ZNF620: variants seen among roughly 807,000 people sequenced by gnomAD.
ZNF620 encodes the protein zinc finger protein 620.
ZNF620 carries 10 observed loss-of-function variants against 13.3 expected under a neutral mutation model. That is an observed-to-expected ratio of 0.75 (90% CI 0.46 to 1.28). The LOEUF (loss-of-function observed/expected upper bound fraction) is 1.28. Among genes scored for constraint, ZNF620 ranks in the 50% most tolerant of loss-of-function variants. The probability of loss-of-function intolerance (pLI) is 0.00; values close to 1 mark genes in which losing one functional copy is unlikely to be tolerated. For missense variants in ZNF620, 461 were observed against 500.2 expected, an observed-to-expected ratio of 0.92 and a Z score of 0.75; for synonymous variants, 166 against 177.6, an observed-to-expected ratio of 0.93 and a Z score of 0.52.
At position 40,515,922 on chromosome 3, in the gene ZNF620, G is replaced by A; in HGVS notation, c.328G>A (p.Glu110Lys). The A allele has an allele frequency of 1.2e-6, 2 of 1,614,052 alleles. No homozygotes were observed. The highest frequency in any genetic ancestry group is 1.7e-6 in the Non-Finnish European group (2 of 1,180,010). ...TPKDHVSKET[E>K]SFRLMVGGLP... is the part of the protein sequence containing the mutation. ...AAAGGATCATGTGTCCAAAGAAACA[G>A]AGTCCTTCAGACTGATGGTGGGGGG... Residue 110 changes from glutamate (E) to lysine (K), a missense_variant, in exon 5 of 5, where the codon GAG becomes AAG. Coordinates refer to ENST00000314529, the MANE Select transcript of ZNF620 (RefSeq NM_175888.4).
At chr3:40,510,476 T>C (rs1698160713) in intron 2 of ZNF620, among the ~76,000 whole-genome samples, 2 of 152,190 alleles carry the variant, frequency 1.3e-5, no homozygotes, top group Admixed American at 6.5e-5. Flanking sequence ...TAGATATTTT[T>C]CATTCATTGT....
intron 4 of ZNF620, among the ~76,000 whole-genome samples, chr3:40,513,085 C>A (rs1698248002): frequency 6.6e-6 from 1 of 151,792 alleles, no homozygotes; most frequent in African/African-American, 2.4e-5. Flanking sequence ...ATCTTTCCCC[C>A]ACAGATACTT....
chr3:40,512,569 T>G (rs1165401102), intron 4 of ZNF620, 54 bp downstream of exon 4: 38 of 1,276,570 alleles, frequency 3.0e-5, no homozygotes, highest in Non-Finnish European at 4.0e-5. Flanking sequence ...TTTCTTGTTT[T>G]CACATTTCAT....
At chr3:40,511,819 T>A (rs1698210958) in intron 3 of ZNF620, among the ~76,000 whole-genome samples, 1 of 151,992 alleles carries the variant, frequency 6.6e-6, no homozygotes, top group Non-Finnish European at 1.5e-5. Flanking sequence ...GTAGCTGGGA[T>A]TACAGGTGGG....
rs1254918260 is a variant in ZNF620 at position 40,506,393 on chromosome 3, T to A, written c.24+17T>A. 1.3e-6 allele frequency: 2 copies of A among 1,556,340 alleles called. No individual in the cohort carries two copies. Among genetic ancestry groups the A allele is most frequent in the Non-Finnish European group, 1.8e-6 (2 of 1,132,474 alleles). ...TGGCGCCAGGTGAGTGAGCATCCTCTCCCTCCCTCCCACCCTTTAGATGTC... is the reference window on the plus strand; with the variant it reads ...TGGCGCCAGGTGAGTGAGCATCCTCACCCTCCCTCCCACCCTTTAGATGTC... On this transcript the variant is annotated intron_variant, in intron 2 of 4. Coordinates refer to ENST00000314529, the MANE Select transcript of ZNF620 (RefSeq NM_175888.4).
chr3:40,510,920 T>C (rs1698175790), intron 2 of ZNF620, among the ~76,000 whole-genome samples: 1 of 152,112 alleles, frequency 6.6e-6, no homozygotes, highest in South Asian at 2.1e-4. Context: ...TGGCGAATTT[T>C]TGTATTTTTT....
chr3:40,510,925 T>C (rs1309760755), intron 2 of ZNF620, among the ~76,000 whole-genome samples: 1 of 152,142 alleles, frequency 6.6e-6, no homozygotes, highest in Non-Finnish European at 1.5e-5. Flanking sequence ...AATTTTTGTA[T>C]TTTTTGTAGA....
chr3:40,510,358 A>G (rs943136853), intron 2 of ZNF620, among the ~76,000 whole-genome samples: 1 of 152,124 alleles, frequency 6.6e-6, no homozygotes, highest in Non-Finnish European at 1.5e-5. Flanking sequence ...GTCTGTTGCC[A>G]TCTCGACTTC....
Position 40,517,453 on chromosome 3 carries a change from C to G in ZNF620, c.*590C>G, listed in dbSNP as rs910284426. The G allele has an allele frequency of 6.6e-6, 1 of 151,964 alleles. No individual in the cohort carries two copies. Among genetic ancestry groups the G allele is most frequent in the African/African-American group, 2.4e-5 (1 of 41,342 alleles). 9.4% of individuals were successfully genotyped at this position (151,964 alleles called of 1,614,324 possible). A position where few individuals can be genotyped will look rare whatever the true frequency, so the allele number is the denominator to read the frequency against. ...ATCCCAGCTACTAGAGAGGCTGAGG[C>G]AGGAGAATCACTTGAATCCCTGAGG... On this transcript the variant is annotated 3_prime_UTR_variant, in exon 5 of 5. Transcript: ENST00000314529.
Position 40,516,187 on chromosome 3 carries a change from G to C in ZNF620, c.593G>C (p.Cys198Ser). The change falls in exon 5 of 5, where the codon TGT becomes TCT. Residue 198 changes from cysteine (C) to serine (S), a missense_variant. By Grantham distance (112) the Cys-to-Ser change is moderately radical. Coordinates refer to ENST00000314529, the MANE Select transcript of ZNF620 (RefSeq NM_175888.4). The stretch of plus-strand genomic sequence containing the variant: ...CCTAGTGGTCAGATATCTTATGAAT[G>C]TGGACAATGTGGCAGATATTTCATT... ...TNPSGQISYE[C>S]GQCGRYFIQM... 2 of 1,614,116 alleles carry C rather than the reference G, an allele frequency of 1.2e-6. No homozygotes were observed.
chr3:40,511,538 G>A lies in ZNF620; in HGVS notation c.93G>A (p.Val31=). The change falls in exon 3 of 5, where the codon GTG becomes GTA. Residue 31 remains valine, a synonymous_variant. Coordinates refer to ENST00000314529, the MANE Select transcript of ZNF620 (RefSeq NM_175888.4). The part of the protein sequence containing the change: ...TQNEWASLDS[V]QRALYREVML... ...ATGAATGGGCCAGCCTGGACTCTGT[G>A]CAGAGGGCCCTGTACAGGGAAGTGA... The A allele has an allele frequency of 6.2e-7, 1 of 1,613,888 alleles. No homozygotes were observed. Among genetic ancestry groups the A allele is most frequent in the Non-Finnish European group, 8.5e-7 (1 of 1,179,870 alleles).
At chr3:40,513,808 A>G (rs1469960034) in intron 4 of ZNF620, among the ~76,000 whole-genome samples, 3 of 152,182 alleles carry the variant, frequency 2.0e-5, no homozygotes, top group African/African-American at 7.2e-5. Flanking sequence ...CTGTTCTACA[A>G]TTATAACCTA....
Position 40,506,468 on chromosome 3 carries a change from C to T in ZNF620, c.24+92C>T. Reference sequence around the variant, plus strand: ...CATTCAGATCTTGAGTTGTGTAGGCCAGTGGCTTCCATTGTGCATCTGTCA... The same window carrying T: ...CATTCAGATCTTGAGTTGTGTAGGCTAGTGGCTTCCATTGTGCATCTGTCA... On this transcript the variant is annotated intron_variant, in intron 2 of 4. Coordinates refer to ENST00000314529, the MANE Select transcript of ZNF620 (RefSeq NM_175888.4). The T allele has an allele frequency of 2.8e-6, 4 of 1,421,642 alleles. No homozygotes were observed. The Admixed American group carries it at 7.7e-5, about 27-fold the overall frequency. The allele number at this position is 1,421,642 out of a possible 1,614,324, so 88.1% of individuals were successfully genotyped here. A position where few individuals can be genotyped will look rare whatever the true frequency, so the allele number is the denominator to read the frequency against.
chr3:40,510,756 C>T (rs1575288625), intron 2 of ZNF620, among the ~76,000 whole-genome samples: 1 of 152,160 alleles, frequency 6.6e-6, no homozygotes, highest in East Asian at 1.9e-4. Flanking sequence ...TTCTCTCTCT[C>T]TCTTTTTTTT....
At chr3:40,513,316 AATATAT>A (rs71618944) in intron 4 of ZNF620, among the ~76,000 whole-genome samples, 30 of 62,664 alleles carry the variant, frequency 4.8e-4, no homozygotes, top group Middle Eastern at 9.1e-3. Context: ...AAAAAAAAAA[AATATAT>A]ATATATATAT....
intron 2 of ZNF620, chr3:40,508,601 A>G (rs1030718897): frequency 3.5e-5 from 12 of 341,336 alleles, no homozygotes; most frequent in Non-Finnish European, 5.1e-5. Flanking sequence ...ACCTATCTAC[A>G]TTGTCTTATA....
At chr3:40,513,302 T>TAAA (rs1212657603) in intron 4 of ZNF620, among the ~76,000 whole-genome samples, 700 of 37,842 alleles carry the variant, frequency 0.018, 61 homozygotes, top group African/African-American at 0.091. Flanking sequence ...CCGTCTCAAC[T>TAAA]AAAAAAAAAA....
intron 3 of ZNF620, among the ~76,000 whole-genome samples, chr3:40,511,982 G>A (rs1242754316): frequency 2.0e-5 from 3 of 151,932 alleles, no homozygotes; most frequent in Non-Finnish European, 4.4e-5. Context: ...GCTCCTGGCA[G>A]GAGAACTTTG....
At chr3:40,506,162 C>G in intron 1 of ZNF620, 24 bp downstream of exon 1, 2 of 698,248 alleles carry the variant, frequency 2.9e-6, no homozygotes, top group Non-Finnish European at 5.1e-6. Context: ...TTTCCTGGGG[C>G]TTGTTCTGCC....
Sources: gnomAD v4.1 joint callset for allele counts (sites outside exome capture counted in the v4.1 genomes callset) on GRCh38, gnomAD v4.1.1 for gene constraint, MANE v1.5 for transcripts, NCBI Gene and HGNC (gene_info 2026-07-23, HGNC 2026-07-21) for gene names.